The following RUNX1 variants were observed in gnomAD, a reference collection of about 807,000 sequenced individuals.
RUNX1 encodes RUNX family transcription factor 1.
In RUNX1, 19 loss-of-function variants were observed where a neutral mutation model predicts 42.8. The observed-to-expected ratio is 0.44, with a 90% CI of 0.31 to 0.65. RUNX1 has a LOEUF of 0.65. Among genes scored for constraint, RUNX1 ranks in the 30% least tolerant of loss-of-function variants. RUNX1 has a pLI of 0.07. For synonymous variants in RUNX1, 271 were observed against 289.4 expected (o/e 0.94, Z 0.64); for missense variants, 528 against 672.0 (o/e 0.79, Z 2.37).
At chr21:34,902,520 G>C (rs9977633) in intron 2 of RUNX1, among the ~76,000 whole-genome samples, 1 of 151,994 alleles carries the variant, frequency 6.6e-6, no homozygotes, top group East Asian at 1.9e-4. Flanking sequence ...CTATATAAAG[G>C]TATACATGAG....
At chr21:34,841,447 G>A (rs560371283) in intron 6 of RUNX1, among the ~76,000 whole-genome samples, 14 of 152,300 alleles carry the variant, frequency 9.2e-5, no homozygotes, top group African/African-American at 3.1e-4. Flanking sequence ...ACCTGTGTAT[G>A]GGGCTTTCCT....
chr21:34,861,332 G>A (rs1194887862), intron 5 of RUNX1, among the ~76,000 whole-genome samples: 5 of 152,180 alleles, frequency 3.3e-5, no homozygotes, highest in Non-Finnish European at 2.9e-5. Flanking sequence ...GCAGAGGGAG[G>A]CAGGTCCTGG....
intron 2 of RUNX1, among the ~76,000 whole-genome samples, chr21:34,934,363 C>T (rs555472333): frequency 1.3e-5 from 2 of 152,058 alleles, no homozygotes; most frequent in East Asian, 3.9e-4. Context: ...TTTCATGTTT[C>T]TCTTGATTGC....
intron 2 of RUNX1, among the ~76,000 whole-genome samples, chr21:35,002,528 A>C (rs1336807028): frequency 6.6e-6 from 1 of 151,836 alleles, no homozygotes; most frequent in African/African-American, 2.4e-5. Context: ...CCCAGGCTCA[A>C]GCAATGCTCC....
At chr21:34,873,592 C>T (rs1003116728) in intron 5 of RUNX1, among the ~76,000 whole-genome samples, 9 of 152,208 alleles carry the variant, frequency 5.9e-5, no homozygotes, top group African/African-American at 2.2e-4. Context: ...AGCAGAATGG[C>T]CGTGAGCCTC....
chr21:34,970,111 C>T (rs889745644), intron 2 of RUNX1, among the ~76,000 whole-genome samples: 6 of 152,166 alleles, frequency 3.9e-5, no homozygotes, highest in African/African-American at 1.2e-4. Context: ...ATGTGGGCTA[C>T]GGTATTTAAC....
chr21:34,844,467 A>T (rs1449116760), intron 6 of RUNX1, among the ~76,000 whole-genome samples: 1 of 152,186 alleles, frequency 6.6e-6, no homozygotes, highest in Non-Finnish European at 1.5e-5. Flanking sequence ...CCCCTCCCGC[A>T]GCAGCAGATC....
intron 5 of RUNX1, among the ~76,000 whole-genome samples, chr21:34,860,876 A>T (rs2146244755): frequency 6.6e-6 from 1 of 152,314 alleles, no homozygotes; most frequent in South Asian, 2.1e-4. Context: ...TAATCGTGAG[A>T]AATCTCCACC....
At chr21:34,821,667 C>A in intron 7 of RUNX1, 1 of 1,573,266 alleles carries the variant, frequency 6.4e-7, no homozygotes. Context: ...TGACTTCTGC[C>A]TTAACATCTC....
chr21:34,899,710 G>C (rs1433554949), intron 2 of RUNX1, among the ~76,000 whole-genome samples: 8 of 152,228 alleles, frequency 5.3e-5, no homozygotes, highest in Non-Finnish European at 1.2e-4. Flanking sequence ...GGACACTTAA[G>C]ATTTAGTAAT....
At chr21:35,047,561 A>ACTCTCTCTCTCTCTCTCTCTCT (rs55862184) in intron 2 of RUNX1, among the ~76,000 whole-genome samples, 2 of 46,812 alleles carry the variant, frequency 4.3e-5, no homozygotes, top group South Asian at 8.2e-4. Flanking sequence ...ACACACACAC[A>ACTCTCTCTCTCTCTCTCTCTCT]CTCTCTCTCT....
chr21:34,993,668 G>GAC (rs1296752007), intron 2 of RUNX1, among the ~76,000 whole-genome samples: 4 of 50,812 alleles, frequency 7.9e-5, no homozygotes, highest in African/African-American at 1.7e-4. Context: ...GACACACAGA[G>GAC]ACACACACAC....
intron 7 of RUNX1, among the ~76,000 whole-genome samples, chr21:34,818,303 T>C (rs915572): frequency 0.8 from 121,774 of 152,210 alleles, 50,686 homozygotes; most frequent in East Asian, 1. Flanking sequence ...AGAGGGCAAC[T>C]GTTAGTATTG....
intron 2 of RUNX1, among the ~76,000 whole-genome samples, chr21:34,928,965 G>C (rs114422026): frequency 1.0e-4 from 15 of 148,378 alleles, no homozygotes; most frequent in Admixed American, 1.4e-4. Context: ...TTTTTTTGGG[G>C]GGGGGGGTAG....
At chr21:34,961,738 A>G (rs2058683429) in intron 2 of RUNX1, among the ~76,000 whole-genome samples, 1 of 152,232 alleles carries the variant, frequency 6.6e-6, no homozygotes, top group South Asian at 2.1e-4. Context: ...TTCTTTGCCA[A>G]ATAAATTTTC....
chr21:35,011,106 C>T (rs756429637), intron 2 of RUNX1, among the ~76,000 whole-genome samples: 8 of 151,996 alleles, frequency 5.3e-5, no homozygotes, highest in East Asian at 1.9e-4. Flanking sequence ...GAAATAATTC[C>T]GGTTTTTGCC....
At chr21:34,903,774 A>T (rs1015496914) in intron 2 of RUNX1, among the ~76,000 whole-genome samples, 1 of 152,224 alleles carries the variant, frequency 6.6e-6, no homozygotes, top group Non-Finnish European at 1.5e-5. Context: ...CTGTTATAAG[A>T]AACAGTTGGC....
chr21:34,889,224 G>T (rs2058045008), intron 3 of RUNX1, among the ~76,000 whole-genome samples: 1 of 151,974 alleles, frequency 6.6e-6, no homozygotes, highest in Admixed American at 6.5e-5. Context: ...CCAGGGCGGG[G>T]GTGCGATTTG....
intron 5 of RUNX1, among the ~76,000 whole-genome samples, chr21:34,877,416 C>G (rs1049480552): frequency 1.3e-5 from 2 of 152,164 alleles, no homozygotes; most frequent in African/African-American, 4.8e-5. Context: ...CACATGACCT[C>G]TGGAGTTCAG....
Sources: gnomAD v4.1 joint callset for allele counts (sites outside exome capture counted in the v4.1 genomes callset) on GRCh38, gnomAD v4.1.1 for gene constraint, MANE v1.5 for transcripts, NCBI Gene and HGNC (gene_info 2026-07-23, HGNC 2026-07-21) for gene names.